Variants in CSMD1 observed in about 807,000 individuals in gnomAD.
The protein encoded by CSMD1 is CUB and Sushi multiple domains 1, also known as CUB and sushi domain-containing protein 1.
In CSMD1, 213 loss-of-function variants were observed where a neutral mutation model predicts 417.5. That is an observed-to-expected ratio of 0.51 (90% CI 0.46 to 0.57). The LOEUF (loss-of-function observed/expected upper bound fraction) is 0.57. Among genes scored for constraint, CSMD1 ranks in the 20% least tolerant of loss-of-function variants. CSMD1 has a pLI of 0.00. For missense variants in CSMD1, 6,923 were observed against 4,529.7 expected (o/e 1.53, Z -15.17); for synonymous variants, 2,862 against 1,736.8 (o/e 1.65, Z -16.11).
chr8:4,619,792 A>C (rs1478275), intron 2 of CSMD1, among the ~76,000 whole-genome samples: 28,392 of 152,108 alleles, frequency 0.19, 3,487 homozygotes, highest in African/African-American at 0.36. Context: ...TTTGGTATTC[A>C]TATCACATAG....
intron 5 of CSMD1, among the ~76,000 whole-genome samples, chr8:3,984,610 A>G (rs1018380970): frequency 6.0e-5 from 9 of 150,594 alleles, no homozygotes; most frequent in African/African-American, 2.2e-4. Flanking sequence ...GAAAAAATAC[A>G]GCTAGGGGTT....
chr8:4,812,065 T>G (rs1798938881), intron 1 of CSMD1, among the ~76,000 whole-genome samples: 1 of 152,182 alleles, frequency 6.6e-6, no homozygotes, highest in South Asian at 2.1e-4. Flanking sequence ...TTATAAAACT[T>G]TGGCTTTGAC....
At chr8:4,155,387 C>G (rs1796780068) in intron 3 of CSMD1, among the ~76,000 whole-genome samples, 1 of 152,190 alleles carries the variant, frequency 6.6e-6, no homozygotes, top group South Asian at 2.1e-4. Context: ...TGCTGTAGAT[C>G]ACATTCCTTT....
intron 3 of CSMD1, among the ~76,000 whole-genome samples, chr8:4,381,450 G>C (rs1016513035): frequency 1.3e-5 from 2 of 152,148 alleles, no homozygotes; most frequent in Non-Finnish European, 2.9e-5. Context: ...GTGGGGGCTG[G>C]TGCCGACGTG....
At chr8:4,143,430 C>T (rs1315605533) in intron 3 of CSMD1, among the ~76,000 whole-genome samples, 11 of 147,490 alleles carry the variant, frequency 7.5e-5, no homozygotes, top group South Asian at 4.2e-4. Context: ...GCTGAAAGTT[C>T]GGATACCTTT....
chr8:3,110,271 C>T lies in CSMD1; in HGVS notation c.6495G>A (p.Glu2165=), dbSNP rs1816420302. 6 of 1,613,426 alleles carry T rather than the reference C, an allele frequency of 3.7e-6. No individual in the cohort carries two copies. Among genetic ancestry groups the T allele is most frequent in the East Asian group, 2.2e-5 (1 of 44,880 alleles). Residue 2165 remains glutamate, a synonymous_variant, in exon 43 of 70, where the codon GAG becomes GAA. Coordinates refer to ENST00000635120, the MANE Select transcript of CSMD1 (RefSeq NM_033225.6). ...GTIYSPGFPD[E]YPILKDCIWL... ...AAATGCAGTCCTTCAGGATCGGATA[C>T]TCATCAGGAAAGCCAGGGGAGTAGA...
At chr8:4,026,962 G>A (rs905430125) in intron 4 of CSMD1, among the ~76,000 whole-genome samples, 2 of 152,138 alleles carry the variant, frequency 1.3e-5, no homozygotes, top group African/African-American at 4.8e-5. Context: ...AACCTACTTT[G>A]CAGTGTTTGC....
intron 23 of CSMD1, among the ~76,000 whole-genome samples, chr8:3,337,555 C>T (rs1277424180): frequency 1.3e-5 from 2 of 152,034 alleles, no homozygotes; most frequent in Non-Finnish European, 1.5e-5. Flanking sequence ...TAAGCGATGG[C>T]CACTCTTTCA....
chr8:3,783,282 A>C (rs187426221), intron 5 of CSMD1, among the ~76,000 whole-genome samples: 163 of 152,284 alleles, frequency 1.1e-3, no homozygotes, highest in Middle Eastern at 3.4e-3. Flanking sequence ...TGCAAAACTC[A>C]CCATTAGAAA....
At position 3,526,331 on chromosome 8, in the gene CSMD1, G is replaced by C. The variant is rs915974235; in HGVS notation, c.1345-32605C>G. Among the ~76,000 whole-genome samples, 4 of 151,704 alleles carry C rather than the reference G, an allele frequency of 2.6e-5. No homozygotes were observed. The East Asian group carries it at 5.8e-4, about 22-fold the overall frequency. ...GTTTAAAATATATTTTTTTTTTGTG[G>C]AAATTGGACACTCCAAATCCCTTTG... On this transcript the variant is annotated intron_variant, in intron 10 of 69. Transcript: ENST00000635120.
At chr8:3,075,435 C>T (rs1269630743) in intron 49 of CSMD1, among the ~76,000 whole-genome samples, 1 of 151,876 alleles carries the variant, frequency 6.6e-6, no homozygotes, top group African/African-American at 2.4e-5. Flanking sequence ...GCATGCACCA[C>T]CATGCCTGGC....
chr8:4,681,136 G>C (rs1474131456), intron 1 of CSMD1, among the ~76,000 whole-genome samples: 1 of 152,072 alleles, frequency 6.6e-6, no homozygotes, highest in Non-Finnish European at 1.5e-5. Context: ...AACAATTTTT[G>C]ACATAGGCAT....
intron 2 of CSMD1, among the ~76,000 whole-genome samples, chr8:4,488,140 G>C (rs1563225877): frequency 1.3e-5 from 2 of 152,150 alleles, no homozygotes; most frequent in Admixed American, 1.3e-4. Context: ...CATCGAATTT[G>C]CTGGCACCTT....
At chr8:4,456,051 T>G (rs1799457083) in intron 2 of CSMD1, among the ~76,000 whole-genome samples, 1 of 96,744 alleles carries the variant, frequency 1.0e-5, no homozygotes, top group Non-Finnish European at 1.9e-5. Flanking sequence ...TTCAATACTA[T>G]CATTGACCAA....
chr8:4,518,127 G>C (rs1370098561), intron 2 of CSMD1, among the ~76,000 whole-genome samples: 1 of 152,138 alleles, frequency 6.6e-6, no homozygotes, highest in African/African-American at 2.4e-5. Context: ...ACAGTATTAT[G>C]TTTTTACTGG....
chr8:3,669,187 T>G (rs1383247374), intron 7 of CSMD1, among the ~76,000 whole-genome samples: 1 of 152,232 alleles, frequency 6.6e-6, no homozygotes, highest in East Asian at 1.9e-4. Flanking sequence ...AAGTTATGTT[T>G]TAATTGAAAG....
At chr8:3,989,451 G>C (rs756673123) in intron 5 of CSMD1, among the ~76,000 whole-genome samples, 1 of 152,156 alleles carries the variant, frequency 6.6e-6, no homozygotes, top group East Asian at 1.9e-4. Context: ...TAGCATGCTG[G>C]AACGAGTTGT....
At chr8:4,601,015 G>A (rs943758862) in intron 2 of CSMD1, among the ~76,000 whole-genome samples, 2 of 147,100 alleles carry the variant, frequency 1.4e-5, no homozygotes, top group African/African-American at 5.0e-5. Context: ...GGAGTGCAAC[G>A]GTGCCATCTC....
chr8:3,952,195 G>A (rs556536820), intron 5 of CSMD1, among the ~76,000 whole-genome samples: 22 of 152,220 alleles, frequency 1.4e-4, no homozygotes, highest in African/African-American at 4.6e-4. Flanking sequence ...TGGTGTCTCC[G>A]AGGTGAAAAG....
Sources: allele counts gnomAD v4.1 joint callset (sites outside exome capture counted in the v4.1 genomes callset), GRCh38; gene constraint gnomAD v4.1.1; transcripts MANE v1.5; gene names NCBI Gene and HGNC (gene_info 2026-07-23, HGNC 2026-07-21).